RPS4Y1: variants seen among roughly 807,000 people sequenced by gnomAD.
The protein encoded by RPS4Y1 is ribosomal protein S4 Y-linked 1.
For synonymous variants in RPS4Y1, 23 were observed against 20.8 expected, an observed-to-expected ratio of 1.10 and a Z score of -0.28; for missense variants, 30 against 60.9, an observed-to-expected ratio of 0.49 and a Z score of 1.69.
chrY:2,863,994 A>G (rs2051165315), intron 5 of RPS4Y1, among the ~76,000 whole-genome samples: 1 of 33,842 alleles, frequency 3.0e-5, no homozygotes, highest in African/African-American at 1.2e-4. Flanking sequence ...CAAAACACAT[A>G]TAAGCAGCTG....
intron 2 of RPS4Y1, among the ~76,000 whole-genome samples, chrY:2,843,600 A>G (rs2051150813): frequency 3.0e-5 from 1 of 33,853 alleles, no homozygotes. Context: ...GCAAGCAGCC[A>G]AGAGAGGAGG....
chrY:2,845,706 G>A lies in RPS4Y1; in HGVS notation c.323G>A (p.Arg108His), dbSNP rs371275103. The A allele has an allele frequency of 7.6e-6, 3 of 395,176 alleles. No individual in the cohort carries two copies. Among genetic ancestry groups the A allele is most frequent in the African/African-American group, 6.4e-5 (1 of 15,745 alleles). Residue 108 changes from arginine (R) to histidine (H), a missense_variant, in exon 4 of 7, where the codon CGT (arginine) becomes CAT (histidine). Transcript: ENST00000250784. ...CGCCTGGTCTATGACACCAAGGGCC[G>A]TTTTGCTGTTCACCGCATCACAGTG... ...HFRLVYDTKG[R>H]FAVHRITVEE...
intron 5 of RPS4Y1, among the ~76,000 whole-genome samples, chrY:2,860,462 C>G: frequency 6.0e-5 from 2 of 33,149 alleles, no homozygotes; most frequent in African/African-American, 2.4e-4. Context: ...AACCCCCCAA[C>G]CCTGCCCTTT....
At chrY:2,845,618 G>T (rs1301046517) in intron 3 of RPS4Y1, 28 bp from the exon 4 acceptor site, 2 of 343,098 alleles carry the variant, frequency 5.8e-6, no homozygotes, top group East Asian at 9.6e-5. Context: ...TTGTGTTAAC[G>T]ATGTTCCTTA....
chrY:2,847,208 T>C, intron 4 of RPS4Y1, among the ~76,000 whole-genome samples: 1 of 33,750 alleles, frequency 3.0e-5, no homozygotes, highest in Non-Finnish European at 7.4e-5. Flanking sequence ...ACGTCAGTTA[T>C]GTCAGGGACA....
intron 5 of RPS4Y1, among the ~76,000 whole-genome samples, chrY:2,856,177 C>T (rs2051159780): frequency 6.0e-5 from 2 of 33,255 alleles, no homozygotes; most frequent in Non-Finnish European, 1.5e-4. Context: ...CTTGCTCTGT[C>T]GCCCAGGCTG....
intron 3 of RPS4Y1, among the ~76,000 whole-genome samples, chrY:2,845,142 C>CT (rs1556371450): frequency 2.1e-3 from 59 of 27,715 alleles, no homozygotes; most frequent in African/African-American, 3.6e-3. Context: ...CTTCCTTCCT[C>CT]TTTTTTTTTT....
chrY:2,844,340 G>A, intron 3 of RPS4Y1, 83 bp downstream of exon 3: 1 of 230,792 alleles, frequency 4.3e-6, no homozygotes, highest in Non-Finnish European at 7.4e-6. Context: ...TGTTGCCAGT[G>A]ATAAAACTGG....
At chrY:2,866,524 T>C (rs2051167691) in intron 6 of RPS4Y1, among the ~76,000 whole-genome samples, 1 of 34,309 alleles carries the variant, frequency 2.9e-5, no homozygotes, top group Non-Finnish European at 7.3e-5. Flanking sequence ...GAAAAACTTG[T>C]TGGCTGATTG....
intron 4 of RPS4Y1, among the ~76,000 whole-genome samples, chrY:2,849,001 C>G: frequency 3.1e-5 from 1 of 32,354 alleles, no homozygotes; most frequent in African/African-American, 1.2e-4. Flanking sequence ...ACTCTGTATG[C>G]CTTTGCATAC....
chrY:2,843,258 A>G, intron 2 of RPS4Y1, among the ~76,000 whole-genome samples: 1 of 33,424 alleles, frequency 3.0e-5, no homozygotes, highest in Non-Finnish European at 7.4e-5. Context: ...GCACTCTTTA[A>G]GAAGACTTGC....
intron 4 of RPS4Y1, 144 bp from the exon 5 acceptor site, chrY:2,854,456 C>G: frequency 1.2e-5 from 2 of 165,496 alleles, no homozygotes; most frequent in Non-Finnish European, 1.2e-5. Context: ...AGCTCTGTGA[C>G]TGGTTAATAT....
chrY:2,852,351 C>T, intron 4 of RPS4Y1, among the ~76,000 whole-genome samples: 1 of 33,867 alleles, frequency 3.0e-5, no homozygotes, highest in African/African-American at 1.2e-4. Context: ...GCTCAGTCAG[C>T]CTAATTGTCC....
At chrY:2,853,317 CTGTT>C (rs2051157415) in intron 4 of RPS4Y1, among the ~76,000 whole-genome samples, 3 of 33,868 alleles carry the variant, frequency 8.9e-5, no homozygotes, top group African/African-American at 3.5e-4. Flanking sequence ...ATCTGGCACT[CTGTT>C]TGTCCTTGTC....
At chrY:2,862,782 T>A (rs768218002) in intron 5 of RPS4Y1, among the ~76,000 whole-genome samples, 1 of 33,887 alleles carries the variant, frequency 3.0e-5, no homozygotes, top group African/African-American at 1.2e-4. Context: ...TGGGCTGTCT[T>A]AGCAGCGTGA....
chrY:2,860,886 A>G (rs56004558), intron 5 of RPS4Y1, among the ~76,000 whole-genome samples: 6,905 of 32,316 alleles, frequency 0.21, no homozygotes, highest in African/African-American at 0.68. Flanking sequence ...CTTTCACACA[A>G]CTGGGGAGTT....
At chrY:2,849,826 A>T (rs777953724) in intron 4 of RPS4Y1, among the ~76,000 whole-genome samples, 5 of 33,325 alleles carry the variant, frequency 1.5e-4, no homozygotes, top group Admixed American at 1.4e-3. Flanking sequence ...GGCCACATGA[A>T]GGTGCATAGG....
At chrY:2,844,050 T>C in intron 2 of RPS4Y1, 27 bp from the exon 3 acceptor site, 1 of 390,411 alleles carries the variant, frequency 2.6e-6, no homozygotes, top group African/African-American at 6.4e-5. Context: ...CTTCTTAGAT[T>C]AGGTTACCTT....
At chrY:2,862,755 T>G (rs2051164555) in intron 5 of RPS4Y1, among the ~76,000 whole-genome samples, 2 of 33,894 alleles carry the variant, frequency 5.9e-5, no homozygotes, top group Non-Finnish European at 1.5e-4. Context: ...GATTCTGCCT[T>G]CCTTCTGTCT....
Sources: gnomAD v4.1 joint callset for allele counts (sites outside exome capture counted in the v4.1 genomes callset) on GRCh38, gnomAD v4.1.1 for gene constraint, MANE v1.5 for transcripts, NCBI Gene and HGNC (gene_info 2026-07-23, HGNC 2026-07-21) for gene names.